Variants in VWF observed in about 807,000 individuals in gnomAD.
VWF encodes Factor VIII related antigen.
VWF carries 176 observed loss-of-function variants against 308.6 expected under a neutral mutation model. The observed-to-expected ratio is 0.57, with a 90% CI of 0.50 to 0.65. VWF has a LOEUF of 0.65. Ranked by LOEUF, VWF falls within the 30% of genes least tolerant of loss-of-function variation. The pLI, the probability that VWF is intolerant of heterozygous loss-of-function variation, is 0.00. For synonymous variants in VWF, 1,385 were observed against 1,443.4 expected, an observed-to-expected ratio of 0.96 and a Z score of 0.92; for missense variants, 3,146 against 3,648.2, an observed-to-expected ratio of 0.86 and a Z score of 3.55.
rs1243561912 is a variant in VWF, at chr12:6,072,427, T to A, written c.1013A>T (p.Asp338Val). The stretch of plus-strand genomic sequence containing the variant: ...GGTGCTCTCCACGCAGAGGCCTTCA[T>A]CCAGGAGCTGTCCCTCTGGGGTCAA... ...GCSCPEGQLLDEGLCVESTEC... is the reference protein window; with the variant it reads ...GCSCPEGQLLVEGLCVESTEC... The change falls in exon 9 of 52, where the codon GAT becomes GTT. Residue 338 changes from aspartate to valine, a missense_variant. By Grantham distance (152) the Asp-to-Val change is radical. This residue lies in a region of VWF where 1,304 missense variants were observed against 1,353.0 expected (regional missense o/e 0.96). Coordinates refer to ENST00000261405, the MANE Select transcript of VWF (RefSeq NM_000552.5). The A allele has an allele frequency of 6.2e-7, 1 of 1,613,912 alleles. No homozygotes were observed. The highest frequency in any genetic ancestry group is 2.2e-5 in the East Asian group (1 of 44,890).
intron 38 of VWF, among the ~76,000 whole-genome samples, chr12:5,990,143 A>G (rs972683137): frequency 5.3e-5 from 8 of 152,368 alleles, no homozygotes; most frequent in South Asian, 2.1e-4. Flanking sequence ...CAACTAAACT[A>G]GAGCAGATGA....
Position 5,985,030 on chromosome 12 carries a change from T to C in VWF, c.6976+15A>G, listed in dbSNP as rs766399856. On this transcript the variant is annotated intron_variant, in intron 40 of 51. Transcript: ENST00000261405. ...GGGTTGGGCCCTGGAGACATCCCCC[T>C]GGTGGGACACATACCACACTCATAC... 1 of 1,613,936 alleles carries C rather than the reference T, an allele frequency of 6.2e-7. No individual in the cohort carries two copies.
At chr12:6,062,535 G>A (rs1944665691) in intron 13 of VWF, among the ~76,000 whole-genome samples, 1 of 151,958 alleles carries the variant, frequency 6.6e-6, no homozygotes, top group Non-Finnish European at 1.5e-5. Flanking sequence ...GAAGAATCTG[G>A]TGGTTTCCTG....
chr12:6,016,175 G>C lies in VWF; in HGVS notation c.5369C>G (p.Pro1790Arg), dbSNP rs551649729. ...YLTSEMHGAR[P>R]GASKAVVILV... ...GATGACCACCGCCTTTGAGGCTCCC[G>C]GCCTGGCACCATGCATTTCTGAAGT... The change falls in exon 31 of 52, where the codon CCG becomes CGG. Residue 1790 changes from proline (P) to arginine (R), a missense_variant. By Grantham distance (103) the Pro-to-Arg change is moderately radical (BLOSUM62 -2). Around this residue, in one of 3 missense-constraint regions of VWF, gnomAD observed 853 missense variants for 1,177.8 expected, o/e 0.72. Transcript: ENST00000261405. 6.2e-7 allele frequency: 1 copy of C among 1,614,106 alleles called. No individual in the cohort carries two copies. Among genetic ancestry groups the C allele is most frequent in the Non-Finnish European group, 8.5e-7 (1 of 1,180,028 alleles).
At chr12:5,974,341 G>C (rs938609227) in intron 43 of VWF, among the ~76,000 whole-genome samples, 6 of 152,118 alleles carry the variant, frequency 3.9e-5, no homozygotes, top group Admixed American at 1.3e-4. Context: ...CTCTAAGACA[G>C]GGCACTCGAT....
chr12:5,983,618 T>C (rs1565818868), intron 40 of VWF, among the ~76,000 whole-genome samples: 5 of 151,642 alleles, frequency 3.3e-5, no homozygotes, highest in Admixed American at 1.3e-4. Context: ...ATAGGGTAGA[T>C]AGACAGATAG....
chr12:6,102,366 T>C (rs1945173461), intron 5 of VWF, among the ~76,000 whole-genome samples: 1 of 151,938 alleles, frequency 6.6e-6, no homozygotes, highest in Non-Finnish European at 1.5e-5. Flanking sequence ...AGCTTGAACC[T>C]GGGAGGTGGA....
intron 6 of VWF, among the ~76,000 whole-genome samples, chr12:6,092,630 T>TGAGAGTGAGAGAGAGAGAGAGAGAGA (rs1219001307): frequency 1.4e-5 from 1 of 72,902 alleles, no homozygotes; most frequent in African/African-American, 8.2e-5. Context: ...TGTGTGTGTG[T>TGAGAGTGAGAGAGAGAGAGAGAGAGA]GTGTGTGTGT....
Position 5,967,504 on chromosome 12 carries a change from G to C in VWF, c.7869C>G (p.Thr2623=). 1 of 1,614,164 alleles carries C rather than the reference G, an allele frequency of 6.2e-7. No individual in the cohort carries two copies. Among genetic ancestry groups the C allele is most frequent in the East Asian group, 2.2e-5 (1 of 44,880 alleles). Residue 2623 remains threonine (T), a synonymous_variant, in exon 47 of 52, where the codon ACC becomes ACG. Transcript: ENST00000261405. Reference sequence around the variant, plus strand: ...CTCTTACCAGGGGGCAGGGGTTGCAGGTGGTCTTCCTGCACTCCAGCTTGA... The same window carrying C: ...CTCTTACCAGGGGGCAGGGGTTGCACGTGGTCTTCCTGCACTCCAGCTTGA... ...SGFKLECRKT[T]CNPCPLGYKE... is the part of the protein sequence containing the mutation.
chr12:6,040,358 G>A (rs1444967511), intron 18 of VWF, among the ~76,000 whole-genome samples: 1 of 152,108 alleles, frequency 6.6e-6, no homozygotes, highest in Non-Finnish European at 1.5e-5. Flanking sequence ...AGTGAACACT[G>A]GGATCTAAAA....
At chr12:5,984,272 G>C (rs1411754756) in intron 40 of VWF, among the ~76,000 whole-genome samples, 4 of 152,204 alleles carry the variant, frequency 2.6e-5, no homozygotes, top group Non-Finnish European at 5.9e-5. Context: ...GATCCCTCTA[G>C]TTCTCTCTAC....
At chr12:6,099,964 A>C (rs1945143479) in intron 5 of VWF, among the ~76,000 whole-genome samples, 1 of 150,484 alleles carries the variant, frequency 6.6e-6, no homozygotes, top group African/African-American at 2.4e-5. Flanking sequence ...CAACCTACAA[A>C]ATGGGAGAAA....
chr12:6,026,706 G>A (rs1944196679), intron 22 of VWF, among the ~76,000 whole-genome samples: 1 of 152,138 alleles, frequency 6.6e-6, no homozygotes. Flanking sequence ...AGCACCACAG[G>A]GTGACTATAA....
intron 14 of VWF, 33 bp from the exon 15 acceptor site, chr12:6,057,105 G>A (rs1463797727): frequency 1.5e-5 from 23 of 1,507,088 alleles, no homozygotes; most frequent in Non-Finnish European, 2.0e-5. Context: ...CTGGGATGTG[G>A]TGGGGAGGAG....
rs1460463859 is a variant in VWF at position 6,018,795 on chromosome 12, C to A, written c.4623G>T (p.Gln1541His). The A allele has an allele frequency of 6.2e-7, 1 of 1,613,900 alleles. No individual in the cohort carries two copies. Among genetic ancestry groups the A allele is most frequent in the Admixed American group, 1.7e-5 (1 of 60,016 alleles). Residue 1541 changes from glutamine to histidine, a missense_variant, in exon 28 of 52, where the codon CAG (glutamine) becomes CAT (histidine). Physicochemically the swap from Gln to His is conservative, Grantham distance 24. This residue lies in a region of VWF where 853 missense variants were observed against 1,177.8 expected (regional missense o/e 0.72). Coordinates refer to ENST00000261405, the MANE Select transcript of VWF (RefSeq NM_000552.5). ...GQDSIHVTVL[Q>H]YSYMVTVEYP... ...ACTCCACAGTCACCATGTAGGAGTACTGCAGCACCGTGACGTGGATGCTGT... is the reference window on the plus strand; with the variant it reads ...ACTCCACAGTCACCATGTAGGAGTAATGCAGCACCGTGACGTGGATGCTGT...
chr12:6,124,110 C>G (rs761695951), intron 1 of VWF, among the ~76,000 whole-genome samples: 1 of 152,168 alleles, frequency 6.6e-6, no homozygotes, highest in Non-Finnish European at 1.5e-5. Flanking sequence ...GGTGTCCCCT[C>G]CCAGTCCTAA....
intron 3 of VWF, among the ~76,000 whole-genome samples, chr12:6,114,229 G>C (rs1455270551): frequency 6.6e-6 from 1 of 152,208 alleles, no homozygotes; most frequent in Non-Finnish European, 1.5e-5. Context: ...ACTGTGGCTG[G>C]AGAATGGGTA....
intron 2 of VWF, 62 bp downstream of exon 2, chr12:6,123,080 A>G: frequency 6.2e-7 from 1 of 1,601,352 alleles, no homozygotes; most frequent in Non-Finnish European, 8.6e-7. Context: ...TGATTCCCGG[A>G]AAGGTGTCAC....
At position 6,016,758 on chromosome 12, in the gene VWF, A is replaced by G; in HGVS notation, c.5166T>C (p.Asn1722=). The G allele has an allele frequency of 6.2e-7, 1 of 1,614,194 alleles. No homozygotes were observed. The highest frequency in any genetic ancestry group is 8.5e-7 in the Non-Finnish European group (1 of 1,180,030). Residue 1722 remains asparagine (N), a synonymous_variant, in exon 29 of 52, where the codon AAT becomes AAC. Transcript: ENST00000261405. ...SFAKAFISKA[N]IGPRLTQVSV... Reference sequence around the variant, plus strand: ...TCAGGTGCCTCGCTCACCCACCTATATTGGCTTTTGAAATGAAAGCCTTGG... The same window carrying G: ...TCAGGTGCCTCGCTCACCCACCTATGTTGGCTTTTGAAATGAAAGCCTTGG...
Sources: allele counts gnomAD v4.1 joint callset (sites outside exome capture counted in the v4.1 genomes callset), GRCh38; gene constraint gnomAD v4.1.1; regional missense constraint gnomAD v4.1.1; transcripts MANE v1.5; gene names NCBI Gene and HGNC (gene_info 2026-07-23, HGNC 2026-07-21).